MYRIP: variants seen among roughly 807,000 people sequenced by gnomAD.
MYRIP encodes myosin VIIA and Rab interacting protein.
In MYRIP, 49 loss-of-function variants were observed where a neutral mutation model predicts 98.0. That is an observed-to-expected ratio of 0.50 (90% confidence interval 0.40 to 0.63). The LOEUF (loss-of-function observed/expected upper bound fraction) is 0.63, where lower values mean the gene tolerates loss of function less well. Ranked by LOEUF, MYRIP falls within the 30% of genes least tolerant of loss-of-function variation. MYRIP has a pLI of 0.00. For missense variants in MYRIP, 1,004 were observed against 1,058.2 expected, an observed-to-expected ratio of 0.95 and a Z score of 0.71; for synonymous variants, 404 against 409.5, an observed-to-expected ratio of 0.99 and a Z score of 0.16.
rs1158300881 is a variant in MYRIP, at chr3:40,166,837, C to T, written c.551-9C>T. The stretch of plus-strand genomic sequence containing the variant: ...TTTAGAAATGCTCTTTGTTCTGTTT[C>T]CTGTCTAGGACATAGTGTGATGGAC... On this transcript the variant is annotated splice_polypyrimidine_tract_variant and intron_variant, in intron 5 of 16. Transcript: ENST00000302541. The T allele has an allele frequency of 3.2e-6, 5 of 1,581,752 alleles. No homozygotes were observed. The highest frequency in any genetic ancestry group is 1.7e-4 in the Middle Eastern group (1 of 5,982).
chr3:39,811,688 C>G (rs1940699627), intron 1 of MYRIP, among the ~76,000 whole-genome samples: 1 of 150,624 alleles, frequency 6.6e-6, no homozygotes, highest in South Asian at 2.1e-4. Flanking sequence ...TGTGTTGTCT[C>G]TGAGGAGTCA....
In MYRIP at chr3:40,190,332, G is replaced by A. The variant is rs979372496; in HGVS notation, c.1534G>A (p.Glu512Lys). The change falls in exon 10 of 17, where the codon GAG becomes AAG. Residue 512 changes from glutamate to lysine, a missense_variant. Physicochemically the swap from Glu to Lys is moderately conservative, Grantham distance 56. Transcript: ENST00000302541. ...CAGCAGGGAGACCTCGGACAGCAGC[G>A]AGCCGGAGGAGGCCCCCCACACCAC... is the stretch of plus-strand genomic sequence containing the variant. The part of the protein sequence containing the change: ...LASRETSDSS[E>K]PEEAPHTTDR... The A allele has an allele frequency of 4.4e-5, 71 of 1,613,790 alleles. No homozygotes were observed. The highest frequency in any genetic ancestry group is 5.4e-5 in the Non-Finnish European group (64 of 1,179,948).
intron 3 of MYRIP, among the ~76,000 whole-genome samples, chr3:40,122,548 A>G (rs576021913): frequency 2.6e-5 from 4 of 151,934 alleles, no homozygotes; most frequent in African/African-American, 7.2e-5. Flanking sequence ...ATTTTTTTCT[A>G]TAGATACATA....
At chr3:40,227,279 T>A (rs1215419764) in intron 11 of MYRIP, among the ~76,000 whole-genome samples, 1 of 152,172 alleles carries the variant, frequency 6.6e-6, no homozygotes, top group Non-Finnish European at 1.5e-5. Context: ...CTCGAGGCTA[T>A]GACATACCTT....
intron 1 of MYRIP, among the ~76,000 whole-genome samples, chr3:39,884,689 T>A (rs1192758121): frequency 6.6e-6 from 1 of 152,122 alleles, no homozygotes; most frequent in Non-Finnish European, 1.5e-5. Context: ...TTTTTGTACT[T>A]AACCCTTTAA....
At chr3:39,962,018 G>A (rs576089684) in intron 2 of MYRIP, among the ~76,000 whole-genome samples, 3 of 152,072 alleles carry the variant, frequency 2.0e-5, no homozygotes, top group African/African-American at 7.2e-5. Context: ...GACTTTATAA[G>A]GCCAGTTAAG....
chr3:39,877,698 TG>T (rs1943037952), intron 1 of MYRIP, among the ~76,000 whole-genome samples: 2 of 152,180 alleles, frequency 1.3e-5, no homozygotes, highest in South Asian at 2.1e-4. Flanking sequence ...ATCGTTCCTC[TG>T]GAAGTTTTGT....
intron 1 of MYRIP, among the ~76,000 whole-genome samples, chr3:39,897,088 T>C (rs1943628478): frequency 6.6e-6 from 1 of 152,362 alleles, no homozygotes; most frequent in African/African-American, 2.4e-5. Context: ...TCAGTAATTA[T>C]GTTGGAATAG....
chr3:39,981,367 G>T (rs1271693960), intron 2 of MYRIP, among the ~76,000 whole-genome samples: 1 of 152,134 alleles, frequency 6.6e-6, no homozygotes, highest in African/African-American at 2.4e-5. Context: ...TTAGATCTCT[G>T]CTGTCTGGGC....
At chr3:39,922,263 A>C (rs1472432665) in intron 2 of MYRIP, among the ~76,000 whole-genome samples, 1 of 152,236 alleles carries the variant, frequency 6.6e-6, no homozygotes, top group African/African-American at 2.4e-5. Context: ...GGACTAGGAA[A>C]AGGGCAGCCA....
chr3:40,048,189 G>A (rs1947709724), intron 3 of MYRIP, among the ~76,000 whole-genome samples: 1 of 152,164 alleles, frequency 6.6e-6, no homozygotes, highest in South Asian at 2.1e-4. Context: ...AATCTCAATA[G>A]TTGATAGTAG....
At chr3:40,103,044 C>T (rs1051019625) in intron 3 of MYRIP, among the ~76,000 whole-genome samples, 2 of 151,758 alleles carry the variant, frequency 1.3e-5, no homozygotes, top group African/African-American at 4.8e-5. Flanking sequence ...AGGTGACATC[C>T]AGACACCTGC....
chr3:39,951,812 T>C (rs1293235035), intron 2 of MYRIP, among the ~76,000 whole-genome samples: 2 of 152,170 alleles, frequency 1.3e-5, no homozygotes, highest in Non-Finnish European at 2.9e-5. Flanking sequence ...AAAATGCTTC[T>C]CTCATAGACA....
intron 8 of MYRIP, among the ~76,000 whole-genome samples, chr3:40,178,228 G>A (rs977608507): frequency 6.6e-6 from 1 of 152,172 alleles, no homozygotes; most frequent in Non-Finnish European, 1.5e-5. Context: ...AGCAATCATA[G>A]CAACAATCTA....
At chr3:39,989,017 A>G (rs757895984) in intron 2 of MYRIP, among the ~76,000 whole-genome samples, 11 of 151,486 alleles carry the variant, frequency 7.3e-5, no homozygotes, top group South Asian at 6.3e-4. Flanking sequence ...ATTTCTGTCA[A>G]TTTGTCCATC....
At chr3:40,199,445 T>C (rs562046952) in intron 10 of MYRIP, among the ~76,000 whole-genome samples, 46 of 152,208 alleles carry the variant, frequency 3.0e-4, no homozygotes, top group African/African-American at 1.1e-3. Context: ...CCTCCCTGTT[T>C]TGTGAGTGTT....
At chr3:40,028,168 C>A (rs996043238) in intron 2 of MYRIP, among the ~76,000 whole-genome samples, 7 of 152,140 alleles carry the variant, frequency 4.6e-5, no homozygotes, top group Non-Finnish European at 7.4e-5. Context: ...GCTTTACCCT[C>A]TAACAACCTG....
At chr3:39,888,083 C>G (rs1171748496) in intron 1 of MYRIP, among the ~76,000 whole-genome samples, 1 of 151,896 alleles carries the variant, frequency 6.6e-6, no homozygotes, top group Non-Finnish European at 1.5e-5. Flanking sequence ...GAATCAATAT[C>G]GTGAAAATGG....
intron 11 of MYRIP, among the ~76,000 whole-genome samples, chr3:40,229,325 C>CA (rs1952578806): frequency 2.0e-5 from 3 of 151,848 alleles, no homozygotes; most frequent in African/African-American, 4.8e-5. Context: ...GGTCCTGAGA[C>CA]AAAAAAATAC....
Sources: allele counts gnomAD v4.1 joint callset (sites outside exome capture counted in the v4.1 genomes callset), GRCh38; gene constraint gnomAD v4.1.1; transcripts MANE v1.5; gene names NCBI Gene and HGNC (gene_info 2026-07-23, HGNC 2026-07-21).